CELSR1: variants seen among roughly 807,000 people sequenced by gnomAD.
CELSR1 encodes the protein adhesion G protein-coupled receptor C1.
Under a neutral mutation model 249.1 loss-of-function variants are expected in CELSR1, and 110 were observed. The observed-to-expected ratio is 0.44, with a 90% CI of 0.38 to 0.52. The LOEUF (loss-of-function observed/expected upper bound fraction) is 0.52, where lower values mean the gene tolerates loss of function less well. CELSR1 is among the 20% of genes least tolerant of loss of function. CELSR1 has a pLI of 0.00. For missense variants in CELSR1, 4,109 were observed against 4,296.4 expected (o/e 0.96, Z 1.22); for synonymous variants, 2,113 against 1,900.0 (o/e 1.11, Z -2.92).
rs532755800 is a variant in CELSR1, at chr22:46,422,600, T to A, written c.4611+10793A>T. On this transcript the variant is annotated intron_variant, in intron 5 of 34. Transcript: ENST00000674500. ...AAAAATAATAATAATAAAAAATAAA[T>A]AAATAAATAAATAAAAATTAGCCGG... Among the ~76,000 whole-genome samples, 55 of 149,096 alleles carry A rather than the reference T, an allele frequency of 3.7e-4. 1 individual carries two copies. Among genetic ancestry groups the A allele is most frequent in the Non-Finnish European group, 5.8e-4 (39 of 67,254 alleles).
At chr22:46,496,637 T>A (rs904226397) in intron 1 of CELSR1, among the ~76,000 whole-genome samples, 1 of 152,104 alleles carries the variant, frequency 6.6e-6, no homozygotes, top group African/African-American at 2.4e-5. Context: ...ATTTTTTTTT[T>A]TTACTTTGTG....
At position 46,472,198 on chromosome 22, in the gene CELSR1, G is replaced by C. The variant is rs1395296285; in HGVS notation, c.3545-7853C>G. 1.3e-5 allele frequency among the ~76,000 whole-genome samples: 2 copies of C among 152,216 alleles called. No homozygotes were observed. Among genetic ancestry groups the C allele is most frequent in the Non-Finnish European group, 2.9e-5 (2 of 68,046 alleles). On this transcript the variant is annotated intron_variant, in intron 1 of 34. Coordinates refer to ENST00000674500, the MANE Select transcript of CELSR1 (RefSeq NM_001378328.1). This position sits in a 1 kb window ranked among gnomAD's most constrained non-coding sequence, Gnocchi z 7.0. ...AGCGCGAGGCTGCGGGGCCCTCCTG[G>C]CAGGTGCTGTACAAACGTGAACCAC... is the stretch of plus-strand genomic sequence containing the variant.
chr22:46,514,571 G>A (rs1048375072), intron 1 of CELSR1, among the ~76,000 whole-genome samples: 2 of 152,096 alleles, frequency 1.3e-5, no homozygotes, highest in African/African-American at 2.4e-5. Flanking sequence ...GTGTATCACC[G>A]CCAGACCCTT....
At chr22:46,442,362 A>G (rs1204280796) in intron 2 of CELSR1, among the ~76,000 whole-genome samples, 1 of 152,188 alleles carries the variant, frequency 6.6e-6, no homozygotes, top group Non-Finnish European at 1.5e-5. Flanking sequence ...GGACACAGTG[A>G]CCATCAGACT....
In CELSR1 at chr22:46,454,711, G is replaced by T. The variant is rs114080778; in HGVS notation, c.4183+8996C>A. On this transcript the variant is annotated intron_variant, in intron 2 of 34. Coordinates refer to ENST00000674500, the MANE Select transcript of CELSR1 (RefSeq NM_001378328.1). This position sits in a 1 kb window ranked among gnomAD's most constrained non-coding sequence, Gnocchi z 5.1. ...CCCTCTGCTCCTGCGCTTAGCGTTC[G>T]CAAAGGTAAACACATCGCAGAAACC... is the stretch of plus-strand genomic sequence containing the variant. 6.6e-6 allele frequency among the ~76,000 whole-genome samples: 1 copy of T among 152,230 alleles called. No homozygotes were observed. Among genetic ancestry groups the T allele is most frequent in the Non-Finnish European group, 1.5e-5 (1 of 68,032 alleles).
At chr22:46,400,399 A>T (rs1432163733) in intron 9 of CELSR1, among the ~76,000 whole-genome samples, 1 of 151,760 alleles carries the variant, frequency 6.6e-6, no homozygotes, top group African/African-American at 2.4e-5. Flanking sequence ...GCACGTTGGG[A>T]GGCCACAGCA....
intron 20 of CELSR1, among the ~76,000 whole-genome samples, chr22:46,382,277 A>T (rs980393239): frequency 6.6e-6 from 1 of 152,016 alleles, no homozygotes; most frequent in Non-Finnish European, 1.5e-5. Context: ...TTCTATTTTT[A>T]TTTATTTATT....
Position 46,417,451 on chromosome 22 carries a change from A to G in CELSR1, c.4612-5692T>C, listed in dbSNP as rs552398665. Among the ~76,000 whole-genome samples the G allele has an allele frequency of 6.6e-6, 1 of 152,308 alleles. No individual in the cohort carries two copies. Among genetic ancestry groups the G allele is most frequent in the African/African-American group, 2.4e-5 (1 of 41,570 alleles). On this transcript the variant is annotated intron_variant, in intron 5 of 34. Coordinates refer to ENST00000674500, the MANE Select transcript of CELSR1 (RefSeq NM_001378328.1). This position sits in a 1 kb window ranked among gnomAD's most constrained non-coding sequence, Gnocchi z 4.1. ...GCAGGTAACAGGACCCTGTTCCGCC[A>G]GGTAGCCACCCTCTACACAGGGGCT...
Position 46,410,288 on chromosome 22 carries a change from T to A in CELSR1, c.4933+110A>T. On this transcript the variant is annotated intron_variant, in intron 7 of 34. Coordinates refer to ENST00000674500, the MANE Select transcript of CELSR1 (RefSeq NM_001378328.1). The surrounding 1 kb of genome is among the most constrained non-coding windows in gnomAD (Gnocchi z 6.8). ...GCCCACCGCTGGACACATACATTTC[T>A]AAGAAAAACACGGCTCCCCAGGGAT... The A allele has an allele frequency of 7.1e-7, 1 of 1,399,356 alleles. No homozygotes were observed. The highest frequency in any genetic ancestry group is 1.8e-5 in the Admixed American group (1 of 54,554). The allele number at this position is 1,399,356 out of a possible 1,614,324, so 86.7% of individuals were successfully genotyped here.
chr22:46,430,892 C>T lies in CELSR1; in HGVS notation c.4611+2501G>A, dbSNP rs570540978. Among the ~76,000 whole-genome samples, 6 of 152,210 alleles carry T rather than the reference C, an allele frequency of 3.9e-5. No homozygotes were observed. Among genetic ancestry groups the T allele is most frequent in the South Asian group, 2.1e-4 (1 of 4,836 alleles). The stretch of plus-strand genomic sequence containing the variant: ...CGGAGCAGCAGTACTGTCTCCTTCT[C>T]GGGCTGGTGCTCATAATCTCTGCTA... On this transcript the variant is annotated intron_variant, in intron 5 of 34. Transcript: ENST00000674500. This position sits in a 1 kb window ranked among gnomAD's most constrained non-coding sequence, Gnocchi z 4.6.
chr22:46,479,445 T>G (rs1296663873), intron 1 of CELSR1, among the ~76,000 whole-genome samples: 4 of 152,054 alleles, frequency 2.6e-5, no homozygotes, highest in African/African-American at 7.2e-5. Flanking sequence ...CTCAAGCAGA[T>G]GCCTCGTCTT....
intron 5 of CELSR1, among the ~76,000 whole-genome samples, chr22:46,425,591 CCTT>C (rs1434371002): frequency 6.6e-6 from 1 of 152,010 alleles, no homozygotes; most frequent in Non-Finnish European, 1.5e-5. Context: ...TTAATTATTC[CCTT>C]ATTACCCTTT....
Position 46,410,455 on chromosome 22 carries a change from C to T in CELSR1, c.4876G>A (p.Val1626Ile). The T allele has an allele frequency of 1.2e-6, 2 of 1,614,134 alleles. No homozygotes were observed. Among genetic ancestry groups the T allele is most frequent in the Non-Finnish European group, 1.7e-6 (2 of 1,180,034 alleles). Residue 1626 changes from valine (V) to isoleucine (I), a missense_variant, in exon 7 of 35, where the codon GTC (valine) becomes ATC (isoleucine). Coordinates refer to ENST00000674500, the MANE Select transcript of CELSR1 (RefSeq NM_001378328.1). The surrounding 1 kb of genome is among the most constrained non-coding windows in gnomAD (Gnocchi z 6.8). ...GCCATGTCCACATTTTTGCCGTCGA[C>T]TGACAGGTTCCGCATGCAGCCCACG... ...QFVGCMRNLSVDGKNVDMAGF... is the reference protein window; with the variant it reads ...QFVGCMRNLSIDGKNVDMAGF...
At chr22:46,397,001 G>A (rs1209631864) in intron 12 of CELSR1, among the ~76,000 whole-genome samples, 1 of 151,476 alleles carries the variant, frequency 6.6e-6, no homozygotes, top group African/African-American at 2.5e-5. Context: ...GCTGCCCCAG[G>A]ACACATGGGG....
Position 46,380,473 on chromosome 22 carries a change from C to T in CELSR1, c.7256+315G>A, listed in dbSNP as rs551934861. Reference sequence around the variant, plus strand: ...AACTGGGCACTACACTAGTGTTGGCCGCTGCATGTCGGGAGTCCCGCAGGT... The same window carrying T: ...AACTGGGCACTACACTAGTGTTGGCTGCTGCATGTCGGGAGTCCCGCAGGT... On this transcript the variant is annotated intron_variant, in intron 22 of 34. Transcript: ENST00000674500. This position sits in a 1 kb window ranked among gnomAD's most constrained non-coding sequence, Gnocchi z 5.1. Among the ~76,000 whole-genome samples, 49 of 152,318 alleles carry T rather than the reference C, an allele frequency of 3.2e-4. No homozygotes were observed. Among genetic ancestry groups the T allele is most frequent in the African/African-American group, 1.1e-3 (47 of 41,560 alleles).
At chr22:46,387,550 G>A (rs1302079504) in intron 18 of CELSR1, among the ~76,000 whole-genome samples, 1 of 150,990 alleles carries the variant, frequency 6.6e-6, no homozygotes, top group Non-Finnish European at 1.5e-5. Context: ...GAAGAGACAG[G>A]GTTTCACCAT....
At chr22:46,495,174 C>T (rs951811017) in intron 1 of CELSR1, among the ~76,000 whole-genome samples, 1 of 152,182 alleles carries the variant, frequency 6.6e-6, no homozygotes, top group African/African-American at 2.4e-5. Flanking sequence ...GTATAACTGA[C>T]TGCTTCTAGG....
Position 46,433,551 on chromosome 22 carries a change from G to A in CELSR1, c.4523-70C>T, listed in dbSNP as rs1471056576. On this transcript the variant is annotated intron_variant, in intron 4 of 34. Coordinates refer to ENST00000674500, the MANE Select transcript of CELSR1 (RefSeq NM_001378328.1). This position sits in a 1 kb window ranked among gnomAD's most constrained non-coding sequence, Gnocchi z 5.7. The stretch of plus-strand genomic sequence containing the variant: ...GGGCCTACTGGGGACCGAGGATTGC[G>A]CTGTGAGGCATCAGGGGGAGACAGG... The A allele has an allele frequency of 7.4e-6, 9 of 1,219,142 alleles. No homozygotes were observed. The highest frequency in any genetic ancestry group is 9.5e-6 in the Non-Finnish European group (8 of 842,956). 75.5% of individuals were successfully genotyped at this position (1,219,142 alleles called of 1,614,324 possible).
chr22:46,481,277 TA>T (rs35750169), intron 1 of CELSR1: 97,961 of 459,196 alleles, frequency 0.21, 11,652 homozygotes, highest in Middle Eastern at 0.27. Context: ...CAATTCCTTA[TA>T]AAAAATACAT....
Sources: allele counts gnomAD v4.1 joint callset (sites outside exome capture counted in the v4.1 genomes callset), GRCh38; gene constraint gnomAD v4.1.1; non-coding constraint Gnocchi (gnomAD v3.1); transcripts MANE v1.5; gene names NCBI Gene and HGNC (gene_info 2026-07-23, HGNC 2026-07-21).